Variants in PDE3B observed in about 807,000 individuals in gnomAD.
The protein encoded by PDE3B is cGMP-inhibited 3',5'-cyclic phosphodiesterase 3B.
A neutral mutation model predicts 116.8 loss-of-function variants in PDE3B; 66 were observed. The ratio of observed to expected loss-of-function variants is 0.56; its 90% confidence interval spans 0.46 to 0.69. PDE3B has a LOEUF of 0.69. Ranked by LOEUF, PDE3B falls within the 30% of genes least tolerant of loss-of-function variation. PDE3B has a pLI of 0.00. For missense variants in PDE3B, 1,384 were observed against 1,368.1 expected (o/e 1.01, Z -0.18); for synonymous variants, 595 against 533.6 (o/e 1.12, Z -1.59).
chr11:14,670,480 A>G (rs553038754), intron 1 of PDE3B, among the ~76,000 whole-genome samples: 3 of 152,290 alleles, frequency 2.0e-5, no homozygotes, highest in African/African-American at 7.2e-5. Context: ...CAGTATCAGA[A>G]TCAGGAGTAA....
intron 12 of PDE3B, among the ~76,000 whole-genome samples, chr11:14,851,423 CT>C (rs1327383677): frequency 3.3e-5 from 5 of 151,314 alleles, no homozygotes; most frequent in Non-Finnish European, 1.5e-5. Context: ...GAGATATATT[CT>C]CTTGAATTGT....
intron 1 of PDE3B, among the ~76,000 whole-genome samples, chr11:14,768,706 G>A (rs1857560657): frequency 6.6e-6 from 1 of 151,474 alleles, no homozygotes; most frequent in South Asian, 2.1e-4. Context: ...TGTAGCAAAG[G>A]ACCAAGCTTT....
At chr11:14,835,951 C>T (rs1427967761) in intron 11 of PDE3B, among the ~76,000 whole-genome samples, 1 of 152,188 alleles carries the variant, frequency 6.6e-6, no homozygotes, top group Non-Finnish European at 1.5e-5. Context: ...ACAGAATTTG[C>T]TCAGTTACCA....
At chr11:14,667,091 A>G (rs1471962365) in intron 1 of PDE3B, among the ~76,000 whole-genome samples, 5 of 152,230 alleles carry the variant, frequency 3.3e-5, no homozygotes, top group African/African-American at 1.2e-4. Context: ...ACACCATGGA[A>G]TACTATGCAG....
At chr11:14,682,496 G>A (rs1432521328) in intron 1 of PDE3B, among the ~76,000 whole-genome samples, 1 of 152,092 alleles carries the variant, frequency 6.6e-6, no homozygotes, top group African/African-American at 2.4e-5. Context: ...TGTTGGGGAG[G>A]TTCCTTTCAG....
intron 1 of PDE3B, among the ~76,000 whole-genome samples, chr11:14,731,255 A>ATTTTTTTT (rs778089171): frequency 2.5e-5 from 3 of 121,140 alleles, no homozygotes; most frequent in African/African-American, 3.1e-5. Context: ...TTTTACTTTG[A>ATTTTTTTT]TTTTTTTTTT....
chr11:14,793,983 G>A (rs925028440), intron 4 of PDE3B, among the ~76,000 whole-genome samples: 7 of 152,152 alleles, frequency 4.6e-5, no homozygotes, highest in East Asian at 1.9e-4. Flanking sequence ...CAGTTATCAA[G>A]TTTATACAAC....
At chr11:14,891,624 G>T in the PDE3B span, 1 of 1,075,776 alleles carries the variant, frequency 9.3e-7, no homozygotes, top group Non-Finnish European at 1.1e-6. Flanking sequence ...CAAGACGCCC[G>T]CACCTGAGGG....
At chr11:14,681,968 TAAAC>T (rs1854723631) in intron 1 of PDE3B, among the ~76,000 whole-genome samples, 1 of 152,210 alleles carries the variant, frequency 6.6e-6, no homozygotes, top group Admixed American at 6.5e-5. Context: ...ACCATCAACA[TAAAC>T]AGTCAATTAG....
At chr11:14,795,151 G>T (rs540952131) in intron 4 of PDE3B, among the ~76,000 whole-genome samples, 21 of 152,254 alleles carry the variant, frequency 1.4e-4, no homozygotes, top group Admixed American at 9.2e-4. Context: ...CTCTCTGGAG[G>T]TTGGGTAGTG....
intron 1 of PDE3B, among the ~76,000 whole-genome samples, chr11:14,735,983 TG>T (rs1856587017): frequency 6.6e-6 from 1 of 151,774 alleles, no homozygotes; most frequent in East Asian, 1.9e-4. Context: ...TGTGTGTGTG[TG>T]TGTGTGTGTG....
intron 4 of PDE3B, among the ~76,000 whole-genome samples, chr11:14,800,994 A>G (rs908352856): frequency 6.6e-6 from 1 of 151,924 alleles, no homozygotes; most frequent in Non-Finnish European, 1.5e-5. Context: ...TGTGTTTTTC[A>G]GCTCCATCAG....
At chr11:14,668,963 C>CT (rs1201903164) in intron 1 of PDE3B, among the ~76,000 whole-genome samples, 2 of 152,108 alleles carry the variant, frequency 1.3e-5, no homozygotes, top group Non-Finnish European at 2.9e-5. Context: ...TGGGGACCCT[C>CT]TGTAAGAGTG....
Position 14,644,391 on chromosome 11 carries a change from G to T in PDE3B, c.316G>T (p.Ala106Ser). The T allele has an allele frequency of 2.5e-6, 4 of 1,603,214 alleles. No individual in the cohort carries two copies. Among genetic ancestry groups the T allele is most frequent in the African/African-American group, 1.3e-5 (1 of 74,216 alleles). The change falls in exon 1 of 16, where the codon GCC becomes TCC. Residue 106 changes from alanine (A) to serine (S), a missense_variant. Physicochemically the swap from Ala to Ser is moderately conservative, Grantham distance 99 (BLOSUM62 1). Around this residue, in one of 2 missense-constraint regions of PDE3B, gnomAD observed 956 missense variants for 806.8 expected, o/e 1.18. Coordinates refer to ENST00000282096, the MANE Select transcript of PDE3B (RefSeq NM_000922.4). ...AEPESWAAGA[A>S]WLRTLLSVCS... is the part of the protein sequence containing the mutation. ...ACCCGAGAGCTGGGCTGCCGGGGCC[G>T]CCTGGCTGCGGACGCTGCTGAGCGT...
chr11:14,813,084 G>T (rs966688905), intron 5 of PDE3B, among the ~76,000 whole-genome samples: 1 of 152,144 alleles, frequency 6.6e-6, no homozygotes, highest in African/African-American at 2.4e-5. Flanking sequence ...GCACTTCCCA[G>T]CCTCCAGAAC....
intron 1 of PDE3B, among the ~76,000 whole-genome samples, chr11:14,678,010 C>A (rs867545770): frequency 6.6e-6 from 1 of 152,116 alleles, no homozygotes; most frequent in East Asian, 1.9e-4. Flanking sequence ...CTCACTGCAA[C>A]CTCCGCCTCC....
chr11:14,841,688 A>G (rs1030343193), intron 11 of PDE3B, among the ~76,000 whole-genome samples: 1 of 59,396 alleles, frequency 1.7e-5, no homozygotes, highest in Non-Finnish European at 3.5e-5. Flanking sequence ...AGGCCTCAGG[A>G]AACTTACAAT....
Position 14,809,206 on chromosome 11 carries a change from C to A in PDE3B, c.1522+5156C>A, listed in dbSNP as rs573601737. Among the ~76,000 whole-genome samples the A allele has an allele frequency of 1.2e-4, 18 of 152,254 alleles. No homozygotes were observed. In the East Asian group the frequency reaches 3.5e-3, roughly 29 times the overall value. ...TTCTCAAATTTTAAACATGAAGTTA[C>A]CATATGACCCAGAAATTCTACTTCT... is the stretch of plus-strand genomic sequence containing the variant. On this transcript the variant is annotated intron_variant, in intron 5 of 15. Coordinates refer to ENST00000282096, the MANE Select transcript of PDE3B (RefSeq NM_000922.4).
the PDE3B span, chr11:14,891,831 C>A: frequency 4.9e-6 from 7 of 1,422,026 alleles, no homozygotes; most frequent in East Asian, 2.6e-5. Flanking sequence ...CTTCCAGACC[C>A]GGGAAGCGGG....
Sources: gnomAD v4.1 joint callset for allele counts (sites outside exome capture counted in the v4.1 genomes callset) on GRCh38, gnomAD v4.1.1 for gene constraint, gnomAD v4.1.1 regional missense constraint, MANE v1.5 for transcripts, NCBI Gene and HGNC (gene_info 2026-07-23, HGNC 2026-07-21) for gene names.